The following MICAL3 variants were observed in gnomAD, a reference collection of about 807,000 sequenced individuals.
The protein encoded by MICAL3 is [F-actin]-monooxygenase MICAL3.
A neutral mutation model predicts 207.4 loss-of-function variants in MICAL3; 62 were observed. The ratio of observed to expected loss-of-function variants is 0.30; its 90% CI spans 0.24 to 0.37. MICAL3 has a LOEUF of 0.37. Ranked by LOEUF, MICAL3 falls within the 10% of genes least tolerant of loss-of-function variation. The pLI is 1.00. For missense variants in MICAL3, 2,368 were observed against 2,635.6 expected, an observed-to-expected ratio of 0.90 and a Z score of 2.22; for synonymous variants, 1,077 against 1,069.3, an observed-to-expected ratio of 1.01 and a Z score of -0.14.
chr22:17,994,522 G>A (rs1185004591), intron 1 of MICAL3, among the ~76,000 whole-genome samples: 1 of 152,200 alleles, frequency 6.6e-6, no homozygotes, highest in Non-Finnish European at 1.5e-5. Flanking sequence ...AGACCAGACT[G>A]GGCAACACAG....
chr22:17,927,720 G>A (rs747095634), intron 1 of MICAL3, among the ~76,000 whole-genome samples: 4 of 152,080 alleles, frequency 2.6e-5, no homozygotes, highest in East Asian at 1.9e-4. Context: ...TGTCCTCTGA[G>A]CTGCTTCAGT....
chr22:17,897,729 T>C (rs962592993), intron 7 of MICAL3, among the ~76,000 whole-genome samples: 12 of 152,018 alleles, frequency 7.9e-5, no homozygotes, highest in Non-Finnish European at 1.8e-4. Context: ...AAAGCTTGAG[T>C]GCCAAAAAGA....
chr22:17,930,568 A>C (rs1282597495), intron 1 of MICAL3, among the ~76,000 whole-genome samples: 1 of 152,218 alleles, frequency 6.6e-6, no homozygotes, highest in East Asian at 1.9e-4. Context: ...AAAATACTGC[A>C]CGACTCCATG....
At chr22:17,934,824 C>T (rs941198940) in intron 1 of MICAL3, among the ~76,000 whole-genome samples, 24 of 151,854 alleles carry the variant, frequency 1.6e-4, no homozygotes, top group African/African-American at 3.1e-4. Context: ...ATAGACAAAC[C>T]GAGAGCCAAA....
chr22:17,832,418 T>C (rs1453116116), intron 20 of MICAL3, among the ~76,000 whole-genome samples: 2 of 152,210 alleles, frequency 1.3e-5, no homozygotes, highest in Non-Finnish European at 2.9e-5. Context: ...GCCCAGCCTC[T>C]GCCTGTGGAG....
At chr22:17,903,117 C>T (rs1182743586) in intron 3 of MICAL3, among the ~76,000 whole-genome samples, 1 of 152,244 alleles carries the variant, frequency 6.6e-6, no homozygotes, top group East Asian at 1.9e-4. Flanking sequence ...CAGATGTGCA[C>T]CCACAGGGTG....
intron 1 of MICAL3, among the ~76,000 whole-genome samples, chr22:17,919,707 T>C (rs1037531365): frequency 3.9e-5 from 6 of 152,102 alleles, no homozygotes; most frequent in Admixed American, 6.5e-5. Flanking sequence ...CTGCCCTTTT[T>C]CCATGACCAC....
At chr22:17,808,036 G>T (rs945378495) in intron 29 of MICAL3, among the ~76,000 whole-genome samples, 1 of 152,268 alleles carries the variant, frequency 6.6e-6, no homozygotes, top group African/African-American at 2.4e-5. Context: ...CCCGGGGCTG[G>T]TCCTGCAGCT....
intron 19 of MICAL3, among the ~76,000 whole-genome samples, chr22:17,854,743 C>G (rs1925721579): frequency 6.6e-6 from 1 of 152,212 alleles, no homozygotes; most frequent in African/African-American, 2.4e-5. Flanking sequence ...CATCCCCTAC[C>G]CCTCCGTCCA....
intron 21 of MICAL3, among the ~76,000 whole-genome samples, 155 bp from the exon 22 acceptor site, chr22:17,827,936 C>CAT (rs1175369462): frequency 6.7e-6 from 1 of 150,058 alleles, no homozygotes; most frequent in African/African-American, 2.4e-5. Context: ...CACATGTATA[C>CAT]ACACACACAC....
intron 1 of MICAL3, among the ~76,000 whole-genome samples, chr22:18,012,021 G>A (rs1032207163): frequency 6.6e-6 from 1 of 151,992 alleles, no homozygotes; most frequent in African/African-American, 2.4e-5. Flanking sequence ...GATCACCTGA[G>A]GTCAGGAGTT....
intron 1 of MICAL3, among the ~76,000 whole-genome samples, chr22:17,910,199 T>C (rs905248145): frequency 2.0e-5 from 3 of 152,126 alleles, no homozygotes; most frequent in African/African-American, 7.2e-5. Context: ...TCCAAAATCC[T>C]TCCCGTCATA....
chr22:17,899,792 C>CTTTTTTTTTT (rs1931168637), intron 6 of MICAL3, among the ~76,000 whole-genome samples: 1 of 152,040 alleles, frequency 6.6e-6, no homozygotes, highest in Admixed American at 6.6e-5. Flanking sequence ...GTAAACAGAA[C>CTTTTTTTTTT]TGTTTTTACG....
At chr22:17,957,192 C>T (rs1076540) in intron 1 of MICAL3, among the ~76,000 whole-genome samples, 32,328 of 152,092 alleles carry the variant, frequency 0.21, 3,620 homozygotes, top group Middle Eastern at 0.29. Context: ...ATTGAACTCT[C>T]ACCTGTCAAT....
At chr22:17,814,715 A>C (rs1215151630) in intron 27 of MICAL3, 1 of 152,132 alleles carries the variant, frequency 6.6e-6, no homozygotes, top group East Asian at 1.9e-4. Context: ...GCCTTCCCCT[A>C]GGTCATTCAT....
chr22:18,012,324 A>ACAGCTGG (rs1305650493), intron 1 of MICAL3, among the ~76,000 whole-genome samples: 1 of 152,250 alleles, frequency 6.6e-6, no homozygotes, highest in African/African-American at 2.4e-5. Flanking sequence ...GAGCGAGTGG[A>ACAGCTGG]CAGCTGGCAG....
In MICAL3 at chr22:17,808,714, G is replaced by C. The variant is rs184630002; in HGVS notation, c.5650+130C>G. ...TTAACAGGAAGCCCCAAATCTCAGAGATGAAGGGCCCCAGAAAATCCTGCT... is the reference window on the plus strand; with the variant it reads ...TTAACAGGAAGCCCCAAATCTCAGACATGAAGGGCCCCAGAAAATCCTGCT... On this transcript the variant is annotated intron_variant, in intron 29 of 31. Coordinates refer to ENST00000441493, the MANE Select transcript of MICAL3 (RefSeq NM_015241.3). 84 of 727,774 alleles carry C rather than the reference G, an allele frequency of 1.2e-4. No homozygotes were observed. In the East Asian group the frequency reaches 1.9e-3, roughly 16 times the overall value. 45.1% of individuals were successfully genotyped at this position (727,774 alleles called of 1,614,324 possible). A position where few individuals can be genotyped will look rare whatever the true frequency, so the allele number is the denominator to read the frequency against.
chr22:17,810,893 T>G, intron 27 of MICAL3, 80 bp from the exon 28 acceptor site: 1 of 1,080,008 alleles, frequency 9.3e-7, no homozygotes, highest in East Asian at 2.4e-5. Context: ...AACAGGGGCC[T>G]GGAGAGGTCT....
intron 1 of MICAL3, among the ~76,000 whole-genome samples, chr22:17,965,183 CAAAAA>C (rs370246938): frequency 3.8e-5 from 4 of 105,634 alleles, no homozygotes; most frequent in African/African-American, 3.4e-5. Context: ...ACCCCGTCTC[CAAAAA>C]AAAAAAAAAA....
Sources: gnomAD v4.1 joint callset for allele counts (sites outside exome capture counted in the v4.1 genomes callset) on GRCh38, gnomAD v4.1.1 for gene constraint, MANE v1.5 for transcripts, NCBI Gene and HGNC (gene_info 2026-07-23, HGNC 2026-07-21) for gene names.